Variants in DNER observed in about 807,000 individuals in gnomAD.
DNER encodes delta/notch like EGF repeat containing.
DNER carries 33 observed loss-of-function variants against 78.2 expected under a neutral mutation model. The ratio of observed to expected loss-of-function variants is 0.42; its 90% CI spans 0.32 to 0.56. The LOEUF (loss-of-function observed/expected upper bound fraction) is 0.56. Among genes scored for constraint, DNER ranks in the 20% least tolerant of loss-of-function variants. The pLI, the probability that DNER is intolerant of heterozygous loss-of-function variation, is 0.11. For missense variants in DNER, 918 were observed against 975.3 expected, an observed-to-expected ratio of 0.94 and a Z score of 0.78; for synonymous variants, 417 against 384.8, an observed-to-expected ratio of 1.08 and a Z score of -0.98.
chr2:229,704,828 AG>A (rs1295810040), intron 1 of DNER, among the ~76,000 whole-genome samples: 2 of 152,264 alleles, frequency 1.3e-5, no homozygotes, highest in Admixed American at 6.5e-5. Flanking sequence ...TGAAATGAAA[AG>A]GGTCTGGGAA....
intron 1 of DNER, among the ~76,000 whole-genome samples, chr2:229,686,352 A>C (rs548970279): frequency 6.6e-6 from 1 of 152,164 alleles, no homozygotes; most frequent in African/African-American, 2.4e-5. Flanking sequence ...CCAGGTTCTG[A>C]GTCAGCTTTC....
intron 8 of DNER, among the ~76,000 whole-genome samples, chr2:229,424,128 A>G (rs1055378412): frequency 3.3e-5 from 5 of 152,234 alleles, no homozygotes; most frequent in African/African-American, 1.2e-4. Context: ...AGGACCTTCC[A>G]GGTGCCCTGG....
chr2:229,693,293 T>G (rs1699611667), intron 1 of DNER, among the ~76,000 whole-genome samples: 1 of 151,778 alleles, frequency 6.6e-6, no homozygotes, highest in South Asian at 2.1e-4. Context: ...TCCTGAGCCC[T>G]CCCCAGCCCT....
chr2:229,434,925 T>TAC (rs58688647), intron 8 of DNER, among the ~76,000 whole-genome samples: 13 of 130,628 alleles, frequency 1.0e-4, no homozygotes, highest in South Asian at 2.3e-4. Context: ...TATATATATA[T>TAC]ACACACACAC....
chr2:229,509,059 G>A (rs1695808300), intron 6 of DNER, among the ~76,000 whole-genome samples: 1 of 152,172 alleles, frequency 6.6e-6, no homozygotes, highest in African/African-American at 2.4e-5. Flanking sequence ...TCTGTTTTTG[G>A]TGGTGGTTTC....
At chr2:229,459,267 T>G (rs1429275582) in intron 7 of DNER, among the ~76,000 whole-genome samples, 1 of 152,138 alleles carries the variant, frequency 6.6e-6, no homozygotes, top group East Asian at 1.9e-4. Context: ...ATAAATTATG[T>G]CAGCGCAATC....
chr2:229,410,708 C>T (rs1037775240), intron 9 of DNER, among the ~76,000 whole-genome samples: 3 of 152,174 alleles, frequency 2.0e-5, no homozygotes, highest in African/African-American at 7.2e-5. Context: ...TTGATTCCAA[C>T]AGCATTCTTT....
At chr2:229,514,786 G>T (rs1695936284) in intron 5 of DNER, among the ~76,000 whole-genome samples, 1 of 152,140 alleles carries the variant, frequency 6.6e-6, no homozygotes, top group South Asian at 2.1e-4. Context: ...CACAACAACT[G>T]ACTGAACAAG....
chr2:229,494,974 G>T (rs568122869), intron 6 of DNER, among the ~76,000 whole-genome samples: 1 of 152,216 alleles, frequency 6.6e-6, no homozygotes, highest in South Asian at 2.1e-4. Context: ...TCATATCCAT[G>T]ATCTCTTTAT....
intron 11 of DNER, among the ~76,000 whole-genome samples, chr2:229,386,787 C>T (rs571340101): frequency 6.6e-5 from 10 of 152,114 alleles, no homozygotes; most frequent in African/African-American, 1.4e-4. Context: ...TACCATCTCA[C>T]GTCAGTTAGA....
intron 2 of DNER, among the ~76,000 whole-genome samples, chr2:229,590,744 T>G (rs1341508623): frequency 2.6e-5 from 4 of 152,230 alleles, no homozygotes; most frequent in Admixed American, 2.6e-4. Context: ...GATCGTGGAC[T>G]TCCTTGTCTC....
At chr2:229,631,925 T>C (rs576988274) in intron 1 of DNER, among the ~76,000 whole-genome samples, 4 of 152,348 alleles carry the variant, frequency 2.6e-5, no homozygotes, top group Admixed American at 2.6e-4. Flanking sequence ...AGCTCAAATG[T>C]CAGCGAGAAT....
At chr2:229,613,862 A>C (rs1324814395) in intron 1 of DNER, among the ~76,000 whole-genome samples, 1 of 152,264 alleles carries the variant, frequency 6.6e-6, no homozygotes, top group South Asian at 2.1e-4. Flanking sequence ...GCCACCCTTC[A>C]TAACTGTTGA....
rs200591729 is a variant in DNER at position 229,515,643 on chromosome 2, TTTTA to T, written c.994-2711_994-2708del. Among the ~76,000 whole-genome samples, 217 of 107,444 alleles carry T rather than the reference TTTTA, an allele frequency of 2.0e-3. 4 individuals are homozygous for T. Among genetic ancestry groups the T allele is most frequent in the Middle Eastern group, 8.2e-3 (2 of 244 alleles). 70.5% of individuals were successfully genotyped at this position (107,444 alleles called of 152,430 possible). The stretch of plus-strand genomic sequence containing the variant: ...AAATATCTTCAAGTTAGCTTTATTT[TTTTA>T]TTTTTTTTTTTTTGAGACAGTCTCA... On this transcript the variant is annotated intron_variant, in intron 5 of 12. Coordinates refer to ENST00000341772, the MANE Select transcript of DNER (RefSeq NM_139072.4).
intron 10 of DNER, among the ~76,000 whole-genome samples, chr2:229,405,812 AT>A (rs529760394): frequency 6.6e-6 from 1 of 151,882 alleles, no homozygotes; most frequent in South Asian, 2.1e-4. Context: ...CAGTGGTGGG[AT>A]TTTTTTTCCA....
At chr2:229,661,888 C>T (rs1307599563) in intron 1 of DNER, among the ~76,000 whole-genome samples, 1 of 152,128 alleles carries the variant, frequency 6.6e-6, no homozygotes, top group Non-Finnish European at 1.5e-5. Context: ...ATGATTAAGA[C>T]AAAAATGAAG....
At chr2:229,435,479 A>G (rs192773241) in intron 8 of DNER, among the ~76,000 whole-genome samples, 1 of 152,372 alleles carries the variant, frequency 6.6e-6, no homozygotes, top group East Asian at 1.9e-4. Context: ...AGCAATGACT[A>G]ACTAATACAA....
chr2:229,579,997 T>C (rs1240982658), intron 4 of DNER, among the ~76,000 whole-genome samples: 1 of 152,170 alleles, frequency 6.6e-6, no homozygotes, highest in Admixed American at 6.5e-5. Flanking sequence ...CCTCCTAAAG[T>C]ACCTAGTTAT....
chr2:229,548,014 T>G (rs1696658313), intron 4 of DNER, among the ~76,000 whole-genome samples: 1 of 152,224 alleles, frequency 6.6e-6, no homozygotes. Flanking sequence ...AATATCGAAA[T>G]TAATGAATAT....
Sources: allele counts gnomAD v4.1 joint callset (sites outside exome capture counted in the v4.1 genomes callset), GRCh38; gene constraint gnomAD v4.1.1; transcripts MANE v1.5; gene names NCBI Gene and HGNC (gene_info 2026-07-23, HGNC 2026-07-21).